Variants in C4orf33 observed in about 807,000 individuals in gnomAD.
The protein encoded by C4orf33 is chromosome 4 open reading frame 33.
A neutral mutation model predicts 24.3 loss-of-function variants in C4orf33; 20 were observed. The ratio of observed to expected loss-of-function variants is 0.82; its 90% CI spans 0.58 to 1.19. The LOEUF is 1.19. Among genes scored for constraint, C4orf33 ranks in the 50% most tolerant of loss-of-function variants. The pLI is 0.00. For synonymous variants in C4orf33, 67 were observed against 76.4 expected (o/e 0.88, Z 0.64); for missense variants, 207 against 225.9 (o/e 0.92, Z 0.54).
In C4orf33 at chr4:129,115,663, C is replaced by G. The variant is rs1319101911; in HGVS notation, c.*3872C>G. ...GCTTTATTTAATTTTTCCAAAGTTCCCAATCCCATTCCTTAGAATCACATT... is the reference window on the plus strand; with the variant it reads ...GCTTTATTTAATTTTTCCAAAGTTCGCAATCCCATTCCTTAGAATCACATT... On this transcript the variant is annotated 3_prime_UTR_variant, in exon 6 of 6. Transcript: ENST00000425929. 2 of 151,764 alleles carry G rather than the reference C, an allele frequency of 1.3e-5. No individual in the cohort carries two copies. Among genetic ancestry groups the G allele is most frequent in the Admixed American group, 6.6e-5 (1 of 15,224 alleles). 9.4% of individuals were successfully genotyped at this position (151,764 alleles called of 1,614,324 possible).
In C4orf33 at chr4:129,113,475, A is replaced by G. The variant is rs887637394; in HGVS notation, c.*1684A>G. 1 of 152,226 alleles carries G rather than the reference A, an allele frequency of 6.6e-6. No individual in the cohort carries two copies. Among genetic ancestry groups the G allele is most frequent in the East Asian group, 1.9e-4 (1 of 5,200 alleles). 9.4% of individuals were successfully genotyped at this position (152,226 alleles called of 1,614,324 possible). A position where few individuals can be genotyped will look rare whatever the true frequency, so the allele number is the denominator to read the frequency against. ...TTTTATTTGAGAGTGGGTGTTTGTAATAGCCATTTCAAATTTGTTTTTCAA... is the reference window on the plus strand; with the variant it reads ...TTTTATTTGAGAGTGGGTGTTTGTAGTAGCCATTTCAAATTTGTTTTTCAA... On this transcript the variant is annotated 3_prime_UTR_variant, in exon 6 of 6. Coordinates refer to ENST00000425929, the MANE Select transcript of C4orf33 (RefSeq NM_001099783.2).
chr4:129,109,437 A>C, intron 4 of C4orf33, 36 bp from the exon 5 acceptor site: 1 of 1,605,152 alleles, frequency 6.2e-7, no homozygotes, highest in East Asian at 2.2e-5. Flanking sequence ...TGTAAGCCCA[A>C]TTTTATCTTT....
intron 1 of C4orf33, among the ~76,000 whole-genome samples, chr4:129,101,561 A>T (rs897282157): frequency 6.6e-6 from 1 of 152,110 alleles, no homozygotes; most frequent in Admixed American, 6.6e-5. Flanking sequence ...CATTGTTGAC[A>T]TTGGTTTAAT....
upstream of C4orf33, chr4:129,094,033 G>T (rs1202680855): frequency 2.6e-5 from 4 of 152,192 alleles, no homozygotes; most frequent in African/African-American, 9.7e-5. Context: ...AAGAAGGTAA[G>T]TACCTTCTCG....
In C4orf33 at chr4:129,107,460, G is replaced by A. The variant is rs559943840; in HGVS notation, c.242+813G>A. Reference sequence around the variant, plus strand: ...AATGCCTCTCAGTGTCTAACATTCAGAAGCCATTGCTCCTTTTGTAGGCTG... The same window carrying A: ...AATGCCTCTCAGTGTCTAACATTCAAAAGCCATTGCTCCTTTTGTAGGCTG... On this transcript the variant is annotated intron_variant, in intron 3 of 5. Transcript: ENST00000425929. 5.3e-5 allele frequency among the ~76,000 whole-genome samples: 8 copies of A among 152,036 alleles called. No individual in the cohort carries two copies. The East Asian group carries it at 9.6e-4, about 18-fold the overall frequency.
In C4orf33 at chr4:129,113,229, T is replaced by C. The variant is rs1414676498; in HGVS notation, c.*1438T>C. The stretch of plus-strand genomic sequence containing the variant: ...AGCTTGTGAGCTTTCTCAAATCTAA[T>C]GTGTATCTTTTTAAAATTTGTTTAG... On this transcript the variant is annotated 3_prime_UTR_variant, in exon 6 of 6. Transcript: ENST00000425929. 2 of 152,218 alleles carry C rather than the reference T, an allele frequency of 1.3e-5. No homozygotes were observed. Among genetic ancestry groups the C allele is most frequent in the African/African-American group, 4.8e-5 (2 of 41,468 alleles). 9.4% of individuals were successfully genotyped at this position (152,218 alleles called of 1,614,324 possible).
At chr4:129,102,869 G>A (rs1753402600) in intron 2 of C4orf33, 78 bp downstream of exon 2, 1 of 1,356,728 alleles carries the variant, frequency 7.4e-7, no homozygotes, top group Non-Finnish European at 1.0e-6. Context: ...ATTTTATCTT[G>A]CTGTTGGGAA....
At chr4:129,106,212 A>G (rs953467215) in intron 2 of C4orf33, among the ~76,000 whole-genome samples, 2 of 152,104 alleles carry the variant, frequency 1.3e-5, no homozygotes, top group Non-Finnish European at 1.5e-5. Flanking sequence ...TAATTTTTGA[A>G]CAGTACTCTA....
Position 129,109,079 on chromosome 4 carries a change from C to T in C4orf33, c.243-228C>T, listed in dbSNP as rs111464294. Among the ~76,000 whole-genome samples, 771 of 152,198 alleles carry T rather than the reference C, an allele frequency of 5.1e-3. 6 individuals carry two copies. Among genetic ancestry groups the T allele is most frequent in the African/African-American group, 0.017 (720 of 41,550 alleles). On this transcript the variant is annotated intron_variant, in intron 3 of 5. Transcript: ENST00000425929. ...TTTTTTCTTTGTATTTTAGTAGAGA[C>T]GGAGTTTCACCATGTTGGCCAGGAT...
chr4:129,096,947 G>T (rs1345761169), intron 1 of C4orf33, among the ~76,000 whole-genome samples: 1 of 152,160 alleles, frequency 6.6e-6, no homozygotes, highest in Admixed American at 6.5e-5. Flanking sequence ...GTCTTGCTCT[G>T]TTGCCAGGCT....
At chr4:129,101,526 C>G (rs572595604) in intron 1 of C4orf33, among the ~76,000 whole-genome samples, 1 of 152,070 alleles carries the variant, frequency 6.6e-6, no homozygotes, top group African/African-American at 2.4e-5. Flanking sequence ...TTTGCAGATT[C>G]CTGAAATGTC....
At chr4:129,109,153 T>A (rs1753607037) in intron 3 of C4orf33, among the ~76,000 whole-genome samples, 154 bp from the exon 4 acceptor site, 1 of 152,202 alleles carries the variant, frequency 6.6e-6, no homozygotes, top group African/African-American at 2.4e-5. Flanking sequence ...CCTCCCAAAG[T>A]GCTGGGTTAC....
At chr4:129,106,869 A>G (rs1258453370) in intron 3 of C4orf33, among the ~76,000 whole-genome samples, 1 of 151,752 alleles carries the variant, frequency 6.6e-6, no homozygotes, top group Non-Finnish European at 1.5e-5. Context: ...TGAAAATCCT[A>G]TGTCAATATT....
At position 129,102,587 on chromosome 4, in the gene C4orf33, C is replaced by T; in HGVS notation, c.-9-15C>T. ...TATATTGTTAAAGAGTTTGTTTTAACATATTTTCTTTTAGAGACTTCAGAT... is the reference window on the plus strand; with the variant it reads ...TATATTGTTAAAGAGTTTGTTTTAATATATTTTCTTTTAGAGACTTCAGAT... On this transcript the variant is annotated splice_polypyrimidine_tract_variant and intron_variant, in intron 1 of 5. Coordinates refer to ENST00000425929, the MANE Select transcript of C4orf33 (RefSeq NM_001099783.2). 6.5e-7 allele frequency: 1 copy of T among 1,546,500 alleles called. No homozygotes were observed. The highest frequency in any genetic ancestry group is 8.8e-7 in the Non-Finnish European group (1 of 1,136,498).
intron 3 of C4orf33, among the ~76,000 whole-genome samples, chr4:129,108,999 G>A (rs2125803849): frequency 6.6e-6 from 1 of 152,152 alleles, no homozygotes; most frequent in South Asian, 2.1e-4. Context: ...CGATTCCCCT[G>A]CCTCAGCCTC....
At chr4:129,109,760 C>G in intron 5 of C4orf33, 88 bp downstream of exon 5, 1 of 1,132,454 alleles carries the variant, frequency 8.8e-7, no homozygotes, top group Non-Finnish European at 1.3e-6. Context: ...CACTTTTGAT[C>G]AAAGAAGACG....
intron 3 of C4orf33, among the ~76,000 whole-genome samples, chr4:129,107,740 C>G (rs954462451): frequency 2.0e-5 from 3 of 151,862 alleles, no homozygotes; most frequent in Non-Finnish European, 4.4e-5. Flanking sequence ...CTTATTTTTA[C>G]CCTACAGGTG....
At chr4:129,109,428 G>T in intron 4 of C4orf33, 45 bp from the exon 5 acceptor site, 1 of 1,602,980 alleles carries the variant, frequency 6.2e-7, no homozygotes, top group Non-Finnish European at 8.5e-7. Context: ...TGTTTAAAGT[G>T]TAAGCCCAAT....
In C4orf33 at chr4:129,113,937, C is replaced by A. The variant is rs1170658105; in HGVS notation, c.*2146C>A. 1 of 152,134 alleles carries A rather than the reference C, an allele frequency of 6.6e-6. No homozygotes were observed. Among genetic ancestry groups the A allele is most frequent in the Non-Finnish European group, 1.5e-5 (1 of 68,030 alleles). 9.4% of individuals were successfully genotyped at this position (152,134 alleles called of 1,614,324 possible). A position where few individuals can be genotyped will look rare whatever the true frequency, so the allele number is the denominator to read the frequency against. Reference sequence around the variant, plus strand: ...GTAAGCCCTCAGCCCTTTTCTCATGCCTCAAAGCTTAAGGATTGTCTCTTC... The same window carrying A: ...GTAAGCCCTCAGCCCTTTTCTCATGACTCAAAGCTTAAGGATTGTCTCTTC... On this transcript the variant is annotated 3_prime_UTR_variant, in exon 6 of 6. Transcript: ENST00000425929.
Sources: gnomAD v4.1 joint callset for allele counts (sites outside exome capture counted in the v4.1 genomes callset) on GRCh38, gnomAD v4.1.1 for gene constraint, MANE v1.5 for transcripts, NCBI Gene and HGNC (gene_info 2026-07-23, HGNC 2026-07-21) for gene names.